The following ATXN7L1 variants were observed in gnomAD, a reference collection of about 807,000 sequenced individuals.
ATXN7L1 encodes the protein ataxin 7 like 1.
A neutral mutation model predicts 70.8 loss-of-function variants in ATXN7L1; 15 were observed. The ratio of observed to expected loss-of-function variants is 0.21; its 90% CI spans 0.14 to 0.33. ATXN7L1 has a LOEUF of 0.33. ATXN7L1 is among the 10% of genes least tolerant of loss of function. The pLI is 1.00. For missense variants in ATXN7L1, 975 were observed against 1,097.1 expected (o/e 0.89, Z 1.57); for synonymous variants, 440 against 445.1 (o/e 0.99, Z 0.14).
chr7:105,708,188 A>G (rs1793420507), intron 3 of ATXN7L1, among the ~76,000 whole-genome samples: 1 of 152,206 alleles, frequency 6.6e-6, no homozygotes, highest in Non-Finnish European at 1.5e-5. Context: ...GTGGACCCAG[A>G]GGCCTGCGTA....
chr7:105,807,944 G>T (rs573378299), intron 2 of ATXN7L1, among the ~76,000 whole-genome samples: 1 of 152,362 alleles, frequency 6.6e-6, no homozygotes, highest in South Asian at 2.1e-4. Context: ...CTAGCTAACT[G>T]ATACAAGTCC....
intron 3 of ATXN7L1, among the ~76,000 whole-genome samples, chr7:105,667,344 C>A (rs1318470948): frequency 6.6e-6 from 1 of 152,112 alleles, no homozygotes; most frequent in South Asian, 2.1e-4. Context: ...GAATAAAATT[C>A]GAAGCCAGGA....
chr7:105,790,958 G>A (rs1805138711), intron 2 of ATXN7L1, among the ~76,000 whole-genome samples: 1 of 152,148 alleles, frequency 6.6e-6, no homozygotes, highest in Non-Finnish European at 1.5e-5. Context: ...CAAACACGAT[G>A]GTTCCCCTGA....
intron 4 of ATXN7L1, among the ~76,000 whole-genome samples, chr7:105,661,267 T>A (rs1801561230): frequency 6.6e-6 from 1 of 152,150 alleles, no homozygotes; most frequent in Non-Finnish European, 1.5e-5. Context: ...TAGGTGCTCA[T>A]TAAATGTTGA....
intron 2 of ATXN7L1, among the ~76,000 whole-genome samples, chr7:105,847,843 A>G (rs537758102): frequency 2.0e-5 from 3 of 152,238 alleles, no homozygotes; most frequent in East Asian, 3.8e-4. Context: ...CAGCATAACT[A>G]TTCATACGAA....
At chr7:105,696,086 C>G (rs1791665701) in intron 3 of ATXN7L1, among the ~76,000 whole-genome samples, 1 of 152,226 alleles carries the variant, frequency 6.6e-6, no homozygotes, top group African/African-American at 2.4e-5. Flanking sequence ...GCCTGTCACA[C>G]TTCTTTCTCC....
At chr7:105,649,325 C>T in intron 4 of ATXN7L1, 3 of 973,278 alleles carry the variant, frequency 3.1e-6, no homozygotes, top group Non-Finnish European at 3.7e-6. Flanking sequence ...CATCTCTGTA[C>T]CTCTGTCTCG....
chr7:105,743,868 G>A (rs1798280977), intron 3 of ATXN7L1, among the ~76,000 whole-genome samples: 1 of 152,202 alleles, frequency 6.6e-6, no homozygotes. Context: ...CTAGATGACA[G>A]CAATCCTGAA....
At chr7:105,623,138 G>A (rs973210080) in intron 8 of ATXN7L1, among the ~76,000 whole-genome samples, 1 of 152,220 alleles carries the variant, frequency 6.6e-6, no homozygotes, top group African/African-American at 2.4e-5. Context: ...CCACAGGTAA[G>A]CATTATCCCC....
intron 2 of ATXN7L1, among the ~76,000 whole-genome samples, chr7:105,859,164 C>T (rs1481408034): frequency 6.6e-6 from 1 of 151,902 alleles, no homozygotes; most frequent in Non-Finnish European, 1.5e-5. Context: ...CCAGAGAATG[C>T]CTCTAATTTT....
chr7:105,628,831 AT>A (rs1197064051), intron 7 of ATXN7L1, among the ~76,000 whole-genome samples: 2 of 136,812 alleles, frequency 1.5e-5, no homozygotes, highest in African/African-American at 5.6e-5. Context: ...AAATAAATAA[AT>A]AAATAAAATT....
rs1797694766 is a variant in ATXN7L1 at position 105,638,414 on chromosome 7, C to T, written c.1141G>A (p.Gly381Arg). ...GGGGATGCAACTTTTGGTTCTGGCC[C>T]AGAGCTCCCTGAAGACCCTAGCAGA... ...DSLLGSSGSSGPEPKVASPAK... is the reference protein window; with the variant it reads ...DSLLGSSGSSRPEPKVASPAK... The change falls in exon 7 of 12, where the codon GGG becomes AGG. Residue 381 changes from glycine to arginine, a missense_variant. Physicochemically the swap from Gly to Arg is moderately radical, Grantham distance 125 (BLOSUM62 -2). This residue lies in a region of ATXN7L1 where 635 missense variants were observed against 699.4 expected (regional missense o/e 0.91). Coordinates refer to ENST00000419735, the MANE Select transcript of ATXN7L1 (RefSeq NM_020725.2). The T allele has an allele frequency of 6.4e-7, 1 of 1,552,276 alleles. No homozygotes were observed. The highest frequency in any genetic ancestry group is 8.7e-7 in the Non-Finnish European group (1 of 1,147,118).
chr7:105,754,267 G>T (rs191846704), intron 3 of ATXN7L1, among the ~76,000 whole-genome samples: 4 of 152,246 alleles, frequency 2.6e-5, no homozygotes, highest in African/African-American at 9.6e-5. Flanking sequence ...GGACATCCCT[G>T]GCAGCCCCTG....
intron 3 of ATXN7L1, among the ~76,000 whole-genome samples, chr7:105,728,503 T>C (rs1351189108): frequency 2.0e-5 from 3 of 152,152 alleles, no homozygotes; most frequent in Non-Finnish European, 4.4e-5. Flanking sequence ...TAGATATAGA[T>C]GATTACATAT....
intron 3 of ATXN7L1, among the ~76,000 whole-genome samples, chr7:105,698,647 C>T (rs539095467): frequency 2.6e-5 from 4 of 152,294 alleles, no homozygotes; most frequent in South Asian, 4.1e-4. Context: ...CGTGAGCCAC[C>T]GTGCTTGGCC....
At chr7:105,652,643 T>C (rs1800026879) in intron 4 of ATXN7L1, among the ~76,000 whole-genome samples, 1 of 152,212 alleles carries the variant, frequency 6.6e-6, no homozygotes, top group Non-Finnish European at 1.5e-5. Context: ...GAGGAAACCC[T>C]GACCCAAGGG....
chr7:105,865,379 C>T (rs983921040), intron 2 of ATXN7L1, among the ~76,000 whole-genome samples: 1 of 151,788 alleles, frequency 6.6e-6, no homozygotes, highest in African/African-American at 2.4e-5. Flanking sequence ...GTAAAATACA[C>T]ATAACATAAA....
chr7:105,842,642 G>C (rs1427137038), intron 2 of ATXN7L1, among the ~76,000 whole-genome samples: 1 of 152,208 alleles, frequency 6.6e-6, no homozygotes, highest in East Asian at 1.9e-4. Flanking sequence ...CTACCTTTGG[G>C]CTATTGTGAA....
intron 3 of ATXN7L1, among the ~76,000 whole-genome samples, chr7:105,685,787 G>C (rs935499323): frequency 1.3e-5 from 2 of 152,158 alleles, no homozygotes; most frequent in Non-Finnish European, 2.9e-5. Flanking sequence ...GAACAACTAG[G>C]CTTTAGGCTC....
Sources: gnomAD v4.1 joint callset for allele counts (sites outside exome capture counted in the v4.1 genomes callset) on GRCh38, gnomAD v4.1.1 for gene constraint, gnomAD v4.1.1 regional missense constraint, MANE v1.5 for transcripts, NCBI Gene and HGNC (gene_info 2026-07-23, HGNC 2026-07-21) for gene names.